The following SOX6 variants were observed in gnomAD, a reference collection of about 807,000 sequenced individuals.
SOX6 encodes the protein transcription factor SOX-6.
Under a neutral mutation model 97.8 loss-of-function variants are expected in SOX6, and 11 were observed. That is an observed-to-expected ratio of 0.11 (90% confidence interval 0.07 to 0.19). SOX6 has a LOEUF of 0.19. Among genes scored for constraint, SOX6 ranks in the 10% least tolerant of loss-of-function variants. The pLI, the probability that SOX6 is intolerant of heterozygous loss-of-function variation, is 1.00. For synonymous variants in SOX6, 360 were observed against 371.4 expected (o/e 0.97, Z 0.35); for missense variants, 810 against 1,039.5 (o/e 0.78, Z 3.04).
chr11:16,129,627 G>A (rs912014262), intron 6 of SOX6, among the ~76,000 whole-genome samples: 4 of 152,058 alleles, frequency 2.6e-5, no homozygotes, highest in Non-Finnish European at 2.9e-5. Context: ...TTGTGGGAAC[G>A]CAAGGTTGGT....
chr11:16,000,622 C>T (rs1854376095), intron 13 of SOX6, among the ~76,000 whole-genome samples: 1 of 152,116 alleles, frequency 6.6e-6, no homozygotes, highest in South Asian at 2.1e-4. Context: ...GGTTCCTTAG[C>T]CCTACTAAAA....
intron 6 of SOX6, among the ~76,000 whole-genome samples, chr11:16,112,758 A>G (rs2133996060): frequency 2.0e-5 from 3 of 152,310 alleles, no homozygotes; most frequent in Middle Eastern, 6.8e-3. Flanking sequence ...TGTGAAAATT[A>G]CATTTTAATT....
At chr11:16,070,344 A>C (rs1452276047) in intron 9 of SOX6, among the ~76,000 whole-genome samples, 1 of 152,096 alleles carries the variant, frequency 6.6e-6, no homozygotes. Context: ...GAATAGGCTC[A>C]GACCAAAGGT....
At chr11:16,440,722 G>C (rs1043326254) in intron 1 of SOX6, among the ~76,000 whole-genome samples, 3 of 151,980 alleles carry the variant, frequency 2.0e-5, no homozygotes, top group Non-Finnish European at 4.4e-5. Context: ...TAATAATACT[G>C]TTTCTCTATT....
intron 4 of SOX6, 136 bp from the exon 5 acceptor site, chr11:16,187,091 T>C: frequency 4.4e-6 from 4 of 899,264 alleles, no homozygotes; most frequent in Non-Finnish European, 7.2e-6. Context: ...CCATTGAGGG[T>C]ACAGGAACAC....
At chr11:16,261,411 A>T (rs1387222819) in intron 3 of SOX6, among the ~76,000 whole-genome samples, 9 of 152,160 alleles carry the variant, frequency 5.9e-5, no homozygotes, top group Admixed American at 5.9e-4. Context: ...TTTCTGCCAT[A>T]GACTTCAGTT....
chr11:16,287,562 T>C (rs1030919511), intron 3 of SOX6, among the ~76,000 whole-genome samples: 14 of 152,058 alleles, frequency 9.2e-5, no homozygotes, highest in African/African-American at 3.4e-4. Context: ...TTAAGTGCCC[T>C]AAAGTTTTAC....
intron 13 of SOX6, among the ~76,000 whole-genome samples, chr11:16,010,532 T>A (rs967200514): frequency 1.3e-5 from 2 of 152,016 alleles, no homozygotes; most frequent in Non-Finnish European, 2.9e-5. Context: ...GTTAGAAGAA[T>A]GTTTTCTTAC....
chr11:16,555,694 C>G (rs1232990666), intron 4 of SOX6, among the ~76,000 whole-genome samples: 2 of 151,612 alleles, frequency 1.3e-5, no homozygotes, highest in Non-Finnish European at 3.0e-5. Flanking sequence ...GACACATAAA[C>G]ATTTTTATCA....
At chr11:15,999,541 A>G (rs560720114) in intron 13 of SOX6, among the ~76,000 whole-genome samples, 1 of 152,170 alleles carries the variant, frequency 6.6e-6, no homozygotes, top group Non-Finnish European at 1.5e-5. Flanking sequence ...AATGACACCA[A>G]AAACAAAAAC....
At chr11:16,718,521 C>A (rs547463522) in intron 2 of SOX6, among the ~76,000 whole-genome samples, 2 of 152,176 alleles carry the variant, frequency 1.3e-5, no homozygotes, top group Admixed American at 6.5e-5. Flanking sequence ...AAAATACCAG[C>A]CAAAACATGT....
chr11:16,018,459 A>T (rs547260809), intron 12 of SOX6, among the ~76,000 whole-genome samples: 1 of 149,788 alleles, frequency 6.7e-6, no homozygotes, highest in South Asian at 2.1e-4. Context: ...CTAGGAAAAA[A>T]ATCAACTTCC....
At chr11:16,007,902 G>A (rs1310723183) in intron 13 of SOX6, among the ~76,000 whole-genome samples, 1 of 152,102 alleles carries the variant, frequency 6.6e-6, no homozygotes, top group Non-Finnish European at 1.5e-5. Flanking sequence ...CTTGTCTTGG[G>A]TTTAATTTTC....
intron 6 of SOX6, among the ~76,000 whole-genome samples, chr11:16,172,645 T>C (rs1030285232): frequency 1.3e-5 from 2 of 151,972 alleles, no homozygotes; most frequent in African/African-American, 4.8e-5. Flanking sequence ...TATCTACTGC[T>C]CTCCTTTTTT....
intron 1 of SOX6, among the ~76,000 whole-genome samples, chr11:16,451,167 G>A (rs888511373): frequency 6.6e-6 from 1 of 151,392 alleles, no homozygotes; most frequent in African/African-American, 2.4e-5. Flanking sequence ...GGGATGCAGA[G>A]GTTGCAGTGA....
chr11:16,511,319 T>G (rs1228235054), intron 4 of SOX6, among the ~76,000 whole-genome samples: 1 of 152,134 alleles, frequency 6.6e-6, no homozygotes, highest in Non-Finnish European at 1.5e-5. Context: ...TAGAGTGTCA[T>G]CCTCAGAAAC....
intron 6 of SOX6, among the ~76,000 whole-genome samples, chr11:16,154,931 T>C (rs922444226): frequency 6.6e-6 from 1 of 152,098 alleles, no homozygotes; most frequent in Admixed American, 6.6e-5. Flanking sequence ...GCATTCCTCA[T>C]TTACAAGTCG....
At position 16,096,064 on chromosome 11, in the gene SOX6, G is replaced by A. The variant is rs371769283; in HGVS notation, c.1033C>T (p.Arg345Cys). ...AAGGTGTCCAAATTCCTGCCAAAAC[G>A]GTCACTTAGGCCCTTTAGCCTTTGG... Reference protein sequence around the residue: ...INQRLKGLSDRFGRNLDTFEH... With the variant: ...INQRLKGLSDCFGRNLDTFEH... The change falls in exon 9 of 16, where the codon CGT becomes TGT. Residue 345 changes from arginine to cysteine, a missense_variant. Physicochemically the swap from Arg to Cys is radical, Grantham distance 180. Around this residue, in one of 9 missense-constraint regions of SOX6, gnomAD observed 244 missense variants for 261.0 expected, o/e 0.93. Coordinates refer to ENST00000683767, the MANE Select transcript of SOX6 (RefSeq NM_001367873.1). 2.5e-5 allele frequency: 40 copies of A among 1,611,442 alleles called. No individual in the cohort carries two copies. The highest frequency in any genetic ancestry group is 4.5e-5 in the East Asian group (2 of 44,788).
intron 4 of SOX6, among the ~76,000 whole-genome samples, chr11:16,544,123 C>T (rs377137923): frequency 7.2e-5 from 11 of 152,128 alleles, no homozygotes; most frequent in Admixed American, 1.3e-4. Context: ...ACAAAGGCCA[C>T]ATATTGCATG....
Sources: gnomAD v4.1 joint callset for allele counts (sites outside exome capture counted in the v4.1 genomes callset) on GRCh38, gnomAD v4.1.1 for gene constraint, gnomAD v4.1.1 regional missense constraint, MANE v1.5 for transcripts, NCBI Gene and HGNC (gene_info 2026-07-23, HGNC 2026-07-21) for gene names.